Variants in SLC24A3 observed in about 807,000 individuals in gnomAD.
The protein encoded by SLC24A3 is sodium/potassium/calcium exchanger 3.
A neutral mutation model predicts 75.8 loss-of-function variants in SLC24A3; 28 were observed. The ratio of observed to expected loss-of-function variants is 0.37; its 90% confidence interval spans 0.27 to 0.51. The LOEUF (loss-of-function observed/expected upper bound fraction) is 0.51, where lower values mean the gene tolerates loss of function less well. Ranked by LOEUF, SLC24A3 falls within the 20% of genes least tolerant of loss-of-function variation. SLC24A3 has a pLI of 0.94. For missense variants in SLC24A3, 663 were observed against 847.8 expected (o/e 0.78, Z 2.71); for synonymous variants, 372 against 334.1 (o/e 1.11, Z -1.24).
intron 4 of SLC24A3, among the ~76,000 whole-genome samples, chr20:19,582,206 T>G (rs2122634164): frequency 6.6e-6 from 1 of 152,348 alleles, no homozygotes; most frequent in East Asian, 1.9e-4. Context: ...ATGACGTGGG[T>G]CCACCAGCAG....
At chr20:19,486,010 G>A in intron 2 of SLC24A3, among the ~76,000 whole-genome samples, 1 of 152,270 alleles carries the variant, frequency 6.6e-6, no homozygotes, top group African/African-American at 2.4e-5. Context: ...GGTGGGTGCA[G>A]GGTCAGCTGC....
chr20:19,613,968 C>A (rs868615963), intron 6 of SLC24A3, among the ~76,000 whole-genome samples: 3 of 152,180 alleles, frequency 2.0e-5, no homozygotes, highest in Middle Eastern at 3.2e-3. Flanking sequence ...TTTGTCCTGG[C>A]GCAGACTGTT....
At chr20:19,231,699 C>A (rs1316857825) in intron 1 of SLC24A3, among the ~76,000 whole-genome samples, 1 of 152,158 alleles carries the variant, frequency 6.6e-6, no homozygotes, top group Non-Finnish European at 1.5e-5. Flanking sequence ...CTGTATGGGG[C>A]TGTTGAAAGC....
intron 2 of SLC24A3, 53 bp downstream of exon 2, chr20:19,281,140 C>A (rs1010242150): frequency 1.3e-5 from 21 of 1,599,772 alleles, no homozygotes; most frequent in Non-Finnish European, 1.6e-5. Flanking sequence ...CTGGCTATGG[C>A]TGAGGAAGAG....
chr20:19,419,387 G>T (rs1041999631), intron 2 of SLC24A3, among the ~76,000 whole-genome samples: 1 of 151,128 alleles, frequency 6.6e-6, no homozygotes, highest in Non-Finnish European at 1.5e-5. Context: ...TTTTTCCTGG[G>T]CATTTAAGCC....
At chr20:19,551,990 T>A (rs2030703803) in intron 3 of SLC24A3, among the ~76,000 whole-genome samples, 1 of 152,232 alleles carries the variant, frequency 6.6e-6, no homozygotes, top group African/African-American at 2.4e-5. Context: ...GCTACTCACG[T>A]CGCCACTGCT....
rs371154361 is a variant in SLC24A3 at position 19,451,564 on chromosome 20, CCT to C, written c.272-63921_272-63920del. 9.3e-4 allele frequency among the ~76,000 whole-genome samples: 141 copies of C among 152,272 alleles called. 1 individual carries two copies. Among genetic ancestry groups the C allele is most frequent in the African/African-American group, 3.2e-3 (134 of 41,534 alleles). ...CATGAGTTTTGTTACTTGAACTAGT[CCT>C]CTGTTTTTGCAAGAGTGAATGAATG... On this transcript the variant is annotated intron_variant, in intron 2 of 16. Transcript: ENST00000328041.
At position 19,705,567 on chromosome 20, in the gene SLC24A3, A is replaced by C. The variant is rs75874836; in HGVS notation, c.1719+6887A>C. 7.8e-3 allele frequency among the ~76,000 whole-genome samples: 1,188 copies of C among 152,294 alleles called. 33 individuals are homozygous for C. Among genetic ancestry groups the C allele is most frequent in the East Asian group, 0.061 (315 of 5,178 alleles). On this transcript the variant is annotated intron_variant, in intron 15 of 16. Transcript: ENST00000328041. ...TATGAGAGGCTTTATTTCCAAAACG[A>C]CACTCAAAAGCCTCTTTCATGTAGC...
intron 2 of SLC24A3, among the ~76,000 whole-genome samples, chr20:19,315,338 C>T (rs549031882): frequency 3.9e-4 from 59 of 152,216 alleles, no homozygotes; most frequent in Admixed American, 1.7e-3. Context: ...GCTGTTAGGA[C>T]GAGATCACTG....
At chr20:19,406,451 A>G (rs1461354166) in intron 2 of SLC24A3, among the ~76,000 whole-genome samples, 1 of 152,172 alleles carries the variant, frequency 6.6e-6, no homozygotes, top group Non-Finnish European at 1.5e-5. Context: ...GACTAACATA[A>G]TTGACTTTTA....
chr20:19,433,949 G>A (rs546795569), intron 2 of SLC24A3, among the ~76,000 whole-genome samples: 6 of 152,334 alleles, frequency 3.9e-5, no homozygotes, highest in Non-Finnish European at 5.9e-5. Context: ...GGAGATGGTT[G>A]GGTGTGAGCT....
chr20:19,424,535 C>A (rs1418532503), intron 2 of SLC24A3, among the ~76,000 whole-genome samples: 1 of 151,740 alleles, frequency 6.6e-6, no homozygotes, highest in Non-Finnish European at 1.5e-5. Context: ...ACTAAAAATA[C>A]AAAAATTAGC....
At chr20:19,596,052 A>T (rs2031448743) in intron 6 of SLC24A3, among the ~76,000 whole-genome samples, 1 of 152,122 alleles carries the variant, frequency 6.6e-6, no homozygotes, top group African/African-American at 2.4e-5. Context: ...CCAGGGGCCG[A>T]TCATGTCCAG....
intron 2 of SLC24A3, among the ~76,000 whole-genome samples, chr20:19,487,470 T>C (rs2122526081): frequency 6.6e-6 from 1 of 152,312 alleles, no homozygotes. Flanking sequence ...ATAACAACAA[T>C]AGCACTATAC....
intron 1 of SLC24A3, among the ~76,000 whole-genome samples, chr20:19,274,898 T>C (rs981314062): frequency 6.6e-6 from 1 of 152,242 alleles, no homozygotes; most frequent in Non-Finnish European, 1.5e-5. Flanking sequence ...ATTTATAGCC[T>C]TAGTGAGGAG....
rs556098639 is a variant in SLC24A3 at position 19,401,372 on chromosome 20, G to C, written c.272-114116G>C. ...AGGAACCGATGAAAGATTTCTAGAT[G>C]GAAACGATTGTTGCATCTGATAGTC... On this transcript the variant is annotated intron_variant, in intron 2 of 16. Coordinates refer to ENST00000328041, the MANE Select transcript of SLC24A3 (RefSeq NM_020689.4). Among the ~76,000 whole-genome samples the C allele has an allele frequency of 2.0e-5, 3 of 152,298 alleles. No homozygotes were observed. The East Asian group carries it at 5.8e-4, about 29-fold the overall frequency.
rs1349980427 is a variant in SLC24A3, at chr20:19,665,858, T to C, written c.688-6T>C. 23 of 1,602,702 alleles carry C rather than the reference T, an allele frequency of 1.4e-5. No individual in the cohort carries two copies. Among genetic ancestry groups the C allele is most frequent in the Non-Finnish European group, 2.0e-5 (23 of 1,173,758 alleles). ...CTAATCTTCTATTCTTTTTATTTTTTCACAGTTTATTTATGATGAAAAAGT... is the reference window on the plus strand; with the variant it reads ...CTAATCTTCTATTCTTTTTATTTTTCCACAGTTTATTTATGATGAAAAAGT... On this transcript the variant is annotated splice_region_variant and splice_polypyrimidine_tract_variant and intron_variant, in intron 7 of 16. Coordinates refer to ENST00000328041, the MANE Select transcript of SLC24A3 (RefSeq NM_020689.4).
At chr20:19,329,896 C>T (rs760641610) in intron 2 of SLC24A3, among the ~76,000 whole-genome samples, 2 of 152,162 alleles carry the variant, frequency 1.3e-5, no homozygotes, top group Non-Finnish European at 2.9e-5. Context: ...CATGTGGGGA[C>T]CCTCTGTGAG....
chr20:19,293,727 G>A (rs1201352673), intron 2 of SLC24A3, among the ~76,000 whole-genome samples: 2 of 151,278 alleles, frequency 1.3e-5, no homozygotes, highest in African/African-American at 4.9e-5. Flanking sequence ...GCCTGGCTCT[G>A]CTTAGTGGTT....
Sources: gnomAD v4.1 joint callset for allele counts (sites outside exome capture counted in the v4.1 genomes callset) on GRCh38, gnomAD v4.1.1 for gene constraint, MANE v1.5 for transcripts, NCBI Gene and HGNC (gene_info 2026-07-23, HGNC 2026-07-21) for gene names.